CYP51A1: variants seen among roughly 807,000 people sequenced by gnomAD.
The protein encoded by CYP51A1 is lanosterol 14-alpha demethylase.
Under a neutral mutation model 53.5 loss-of-function variants are expected in CYP51A1, and 45 were observed. The ratio of observed to expected loss-of-function variants is 0.84; its 90% CI spans 0.66 to 1.08. The LOEUF (loss-of-function observed/expected upper bound fraction) is 1.08. CYP51A1 is among the 50% of genes least tolerant of loss of function. The probability of loss-of-function intolerance (pLI) is 0.00; values close to 1 mark genes in which losing one functional copy is unlikely to be tolerated. For missense variants in CYP51A1, 462 were observed against 621.7 expected (o/e 0.74, Z 2.73); for synonymous variants, 181 against 217.7 (o/e 0.83, Z 1.48).
In CYP51A1 at chr7:92,119,558, G is replaced by T. The variant is rs6968680; in HGVS notation, c.1087-943C>A. ...AGATTTCAGTGACCTCACTGAACAA[G>T]GAATGACATAATTAATCCAGGAAAC... On this transcript the variant is annotated intron_variant, in intron 7 of 9. Coordinates refer to ENST00000003100, the MANE Select transcript of CYP51A1 (RefSeq NM_000786.4). Among the ~76,000 whole-genome samples, 711 of 152,220 alleles carry T rather than the reference G, an allele frequency of 4.7e-3. 5 individuals are homozygous for T. The highest frequency in any genetic ancestry group is 0.016 in the African/African-American group (684 of 41,542).
In CYP51A1 at chr7:92,113,632, A is replaced by T. The variant is rs368023689; in HGVS notation, c.*33T>A. 221 of 1,596,944 alleles carry T rather than the reference A, an allele frequency of 1.4e-4. No homozygotes were observed. The highest frequency in any genetic ancestry group is 1.7e-4 in the Non-Finnish European group (204 of 1,168,400). On this transcript the variant is annotated 3_prime_UTR_variant, in exon 10 of 10. Coordinates refer to ENST00000003100, the MANE Select transcript of CYP51A1 (RefSeq NM_000786.4). ...TCGAATGCCTTTGTGGCTTACAGTG[A>T]TAATCACATATATTCGTTCCTTGCA...
intron 5 of CYP51A1, among the ~76,000 whole-genome samples, chr7:92,124,917 G>A (rs546526630): frequency 1.3e-5 from 2 of 152,272 alleles, no homozygotes; most frequent in Admixed American, 6.5e-5. Context: ...GCCGAGGCGG[G>A]CGGATCACAA....
intron 5 of CYP51A1, among the ~76,000 whole-genome samples, chr7:92,124,882 G>A (rs550731628): frequency 1.3e-5 from 2 of 152,286 alleles, no homozygotes; most frequent in South Asian, 2.1e-4. Flanking sequence ...AGTGGCTCAC[G>A]CCTGTAATCC....
chr7:92,124,614 T>C (rs942673468), intron 5 of CYP51A1, among the ~76,000 whole-genome samples: 10 of 152,214 alleles, frequency 6.6e-5, no homozygotes, highest in Non-Finnish European at 1.0e-4. Context: ...TGTTAATCTG[T>C]TATTGAGGAT....
rs1015730709 is a variant in CYP51A1, at chr7:92,113,571, T to C, written c.*94A>G. 1 of 1,200,696 alleles carries C rather than the reference T, an allele frequency of 8.3e-7. No homozygotes were observed. The highest frequency in any genetic ancestry group is 1.2e-6 in the Non-Finnish European group (1 of 845,018). 74.4% of individuals were successfully genotyped at this position (1,200,696 alleles called of 1,614,324 possible). On this transcript the variant is annotated 3_prime_UTR_variant, in exon 10 of 10. Coordinates refer to ENST00000003100, the MANE Select transcript of CYP51A1 (RefSeq NM_000786.4). ...TAGAATTACACACTTAAAAAAACAG[T>C]AAACTACAAGAGTTGTTTTGTACAC...
In CYP51A1 at chr7:92,113,262, G is replaced by GA. The variant is rs529550688; in HGVS notation, c.*402_*403insT. Reference sequence around the variant, plus strand: ...AATAATAATAAACTGTGGTTTCCAAGTATCTCACTGGGATTTTTATTCTTT... The same window carrying GA: ...AATAATAATAAACTGTGGTTTCCAAGATATCTCACTGGGATTTTTATTCTTT... On this transcript the variant is annotated 3_prime_UTR_variant, in exon 10 of 10. Transcript: ENST00000003100. 9.9e-4 allele frequency: 157 copies of GA among 158,978 alleles called. No individual in the cohort carries two copies. The highest frequency in any genetic ancestry group is 3.7e-3 in the African/African-American group (155 of 41,600). The allele number at this position is 158,978 out of a possible 1,614,324, so 9.8% of individuals were successfully genotyped here. A position where few individuals can be genotyped will look rare whatever the true frequency, so the allele number is the denominator to read the frequency against.
chr7:92,123,619 C>T, intron 6 of CYP51A1, 115 bp downstream of exon 6: 1 of 1,012,786 alleles, frequency 9.9e-7, no homozygotes, highest in Non-Finnish European at 1.4e-6. Context: ...CCAAAGATCA[C>T]AGCTACCAAC....
At chr7:92,121,093 C>T (rs1819682777) in intron 7 of CYP51A1, among the ~76,000 whole-genome samples, 1 of 152,030 alleles carries the variant, frequency 6.6e-6, no homozygotes, top group Admixed American at 6.5e-5. Context: ...AGTTCAAGAC[C>T]AGCCTGGCCA....
chr7:92,127,745 C>T, intron 3 of CYP51A1, 114 bp from the exon 4 acceptor site: 1 of 1,059,380 alleles, frequency 9.4e-7, no homozygotes, highest in Non-Finnish European at 1.4e-6. Context: ...GGTTTTAACC[C>T]TTTGGGCATT....
chr7:92,115,322 T>TA (rs1819561310), intron 9 of CYP51A1, among the ~76,000 whole-genome samples: 1 of 152,192 alleles, frequency 6.6e-6, no homozygotes, highest in Non-Finnish European at 1.5e-5. Context: ...TATACACAAT[T>TA]ATTTAAGATG....
chr7:92,128,791 T>C, intron 3 of CYP51A1, 89 bp downstream of exon 3: 1 of 1,203,408 alleles, frequency 8.3e-7, no homozygotes, highest in East Asian at 2.5e-5. Context: ...GCCTGGCTGT[T>C]TCTACATTTT....
At chr7:92,128,097 T>C (rs1158298042) in intron 3 of CYP51A1, among the ~76,000 whole-genome samples, 1 of 152,224 alleles carries the variant, frequency 6.6e-6, no homozygotes, top group African/African-American at 2.4e-5. Context: ...GTGAAGTTGT[T>C]GCATTAAAAG....
intron 4 of CYP51A1, 121 bp from the exon 5 acceptor site, chr7:92,126,548 GAC>G: frequency 1.2e-6 from 1 of 810,622 alleles, no homozygotes; most frequent in Non-Finnish European, 1.9e-6. Context: ...AAAGTCTGTA[GAC>G]AGACATGTGA....
rs376034553 is a variant in CYP51A1, at chr7:92,118,591, G to C, written c.1111C>G (p.Arg371Gly). 6.3e-7 allele frequency: 1 copy of C among 1,582,540 alleles called. No homozygotes were observed. ...DQLKDLNLLDRCIKETLRLRP... is the reference protein window; with the variant it reads ...DQLKDLNLLDGCIKETLRLRP... Reference sequence around the variant, plus strand: ...AGTCTTAATGTTTCTTTTATACAGCGATCAAGTAAATTTAGATCCTTGAGC... The same window carrying C: ...AGTCTTAATGTTTCTTTTATACAGCCATCAAGTAAATTTAGATCCTTGAGC... Residue 371 changes from arginine (R) to glycine (G), a missense_variant, in exon 8 of 10, where the codon CGC becomes GGC. Transcript: ENST00000003100.
At chr7:92,121,860 G>C (rs887112550) in intron 7 of CYP51A1, among the ~76,000 whole-genome samples, 23 of 152,250 alleles carry the variant, frequency 1.5e-4, no homozygotes, top group Middle Eastern at 3.4e-3. Context: ...CTCTCTTTTG[G>C]GAGTGATGTA....
chr7:92,134,193 C>T lies in CYP51A1; in HGVS notation c.172G>A (p.Val58Ile). 2 of 1,612,268 alleles carry T rather than the reference C, an allele frequency of 1.2e-6. No homozygotes were observed. The highest frequency in any genetic ancestry group is 1.7e-6 in the Non-Finnish European group (2 of 1,179,716). The change falls in exon 1 of 10, where the codon GTC (valine) becomes ATC (isoleucine). Residue 58 changes from valine (V) to isoleucine (I), a missense_variant. Physicochemically the swap from Val to Ile is conservative, Grantham distance 29. Transcript: ENST00000003100. ...CGTACCACCCCTGCGGGCAGCTGGA[C>T]CAGGTGGCCGGCGGCCAGACGGATC... ...YLIRLAAGHL[V>I]QLPAGVKSPP...
At chr7:92,126,484 G>T in intron 4 of CYP51A1, 57 bp from the exon 5 acceptor site, 1 of 1,441,466 alleles carries the variant, frequency 6.9e-7, no homozygotes, top group Non-Finnish European at 9.4e-7. Flanking sequence ...AAAGAAAATT[G>T]AGAATTAAAA....
intron 3 of CYP51A1, 100 bp from the exon 4 acceptor site, chr7:92,127,731 T>G (rs958821695): frequency 5.5e-5 from 66 of 1,199,874 alleles, no homozygotes; most frequent in Non-Finnish European, 7.6e-5. Context: ...CTAACACAAG[T>G]AATGGTTTTA....
rs759721514 is a variant in CYP51A1, at chr7:92,123,188, G to T, written c.1018C>A (p.Gln340Lys). ...TTCTGTTCTAAATAACATTTTTTTT[G>T]AAGTGTTTTGTCTCTGGCCAAAAAG... is the stretch of plus-strand genomic sequence containing the variant. ...GFFLARDKTL[Q>K]KKCYLEQKTV... is the part of the protein sequence containing the mutation. Residue 340 changes from glutamine to lysine, a missense_variant, in exon 7 of 10, where the codon CAA becomes AAA. Physicochemically the swap from Gln to Lys is moderately conservative, Grantham distance 53. Transcript: ENST00000003100. The T allele has an allele frequency of 4.3e-6, 7 of 1,613,266 alleles. No individual in the cohort carries two copies. The highest frequency in any genetic ancestry group is 1.3e-5 in the African/African-American group (1 of 74,922).
Sources: allele counts gnomAD v4.1 joint callset (sites outside exome capture counted in the v4.1 genomes callset), GRCh38; gene constraint gnomAD v4.1.1; transcripts MANE v1.5; gene names NCBI Gene and HGNC (gene_info 2026-07-23, HGNC 2026-07-21).